The following BCAS1 variants were observed in gnomAD, a reference collection of about 807,000 sequenced individuals.
BCAS1 encodes brain enriched myelin associated protein 1, also known as breast carcinoma-amplified sequence 1.
A neutral mutation model predicts 65.4 loss-of-function variants in BCAS1; 46 were observed. The ratio of observed to expected loss-of-function variants is 0.70; its 90% CI spans 0.55 to 0.90. BCAS1 has a LOEUF of 0.90. BCAS1 is among the 40% of genes least tolerant of loss of function. BCAS1 has a pLI of 0.00. For missense variants in BCAS1, 793 were observed against 771.2 expected, an observed-to-expected ratio of 1.03 and a Z score of -0.33; for synonymous variants, 298 against 293.5, an observed-to-expected ratio of 1.02 and a Z score of -0.16.
At chr20:54,036,255 G>A (rs2091898194) in intron 3 of BCAS1, among the ~76,000 whole-genome samples, 1 of 150,916 alleles carries the variant, frequency 6.6e-6, no homozygotes, top group Non-Finnish European at 1.5e-5. Context: ...AATGCAAAAA[G>A]ATGACATACC....
chr20:54,039,762 T>G (rs1176707799), intron 3 of BCAS1, among the ~76,000 whole-genome samples: 1 of 151,340 alleles, frequency 6.6e-6, no homozygotes, highest in Non-Finnish European at 1.5e-5. Flanking sequence ...CTCTGAACCC[T>G]TTGTTTTTCC....
intron 8 of BCAS1, among the ~76,000 whole-genome samples, chr20:53,984,349 T>C (rs2090558427): frequency 6.6e-6 from 1 of 152,174 alleles, no homozygotes; most frequent in Non-Finnish European, 1.5e-5. Flanking sequence ...AAAGTTTTTA[T>C]GAAATAGTGA....
chr20:53,949,127 A>G (rs2089430469), intron 12 of BCAS1, among the ~76,000 whole-genome samples: 1 of 152,140 alleles, frequency 6.6e-6, no homozygotes, highest in African/African-American at 2.4e-5. Flanking sequence ...AGGGGAAGGG[A>G]GAAACCCAGT....
rs930319647 is a variant in BCAS1 at position 54,058,993 on chromosome 20, C to T, written c.-5-270G>A. Among the ~76,000 whole-genome samples, 9 of 152,240 alleles carry T rather than the reference C, an allele frequency of 5.9e-5. No individual in the cohort carries two copies. The South Asian group carries it at 1.9e-3, about 32-fold the overall frequency. ...AACTTACAATCGTGGCAGAAGACACCTCTCCACAGGACACCAGAAGAATGA... is the reference window on the plus strand; with the variant it reads ...AACTTACAATCGTGGCAGAAGACACTTCTCCACAGGACACCAGAAGAATGA... On this transcript the variant is annotated intron_variant, in intron 1 of 12. Transcript: ENST00000688948.
chr20:54,062,662 A>G (rs146037416), intron 1 of BCAS1, among the ~76,000 whole-genome samples: 109 of 152,374 alleles, frequency 7.2e-4, no homozygotes, highest in African/African-American at 2.3e-3. Flanking sequence ...CATGGTGTAC[A>G]GAAGTAGGAG....
chr20:53,996,461 T>TAAAAAAAAAAA (rs143929524), intron 4 of BCAS1, among the ~76,000 whole-genome samples: 4 of 92,120 alleles, frequency 4.3e-5, no homozygotes, highest in Non-Finnish European at 9.4e-5. Flanking sequence ...TTATATCAAC[T>TAAAAAAAAAAA]AAAAAAAAAA....
intron 4 of BCAS1, among the ~76,000 whole-genome samples, chr20:54,004,731 C>G (rs1260391235): frequency 6.6e-6 from 1 of 152,092 alleles, no homozygotes; most frequent in Non-Finnish European, 1.5e-5. Context: ...TATGCTTTCA[C>G]TGTGTATTGT....
chr20:54,062,369 GTAT>G (rs1212592887), intron 1 of BCAS1, among the ~76,000 whole-genome samples: 2 of 152,156 alleles, frequency 1.3e-5, no homozygotes, highest in African/African-American at 4.8e-5. Flanking sequence ...CAAGACAGAG[GTAT>G]TATTATTTCA....
intron 12 of BCAS1, among the ~76,000 whole-genome samples, 165 bp downstream of exon 12, chr20:53,953,267 A>T (rs1243580493): frequency 6.6e-6 from 1 of 152,164 alleles, no homozygotes; most frequent in Non-Finnish European, 1.5e-5. Context: ...TAAAATGGAG[A>T]AGGATTGAAC....
chr20:54,068,202 G>C (rs6068764), intron 1 of BCAS1, among the ~76,000 whole-genome samples: 6,846 of 152,232 alleles, frequency 0.045, 193 homozygotes, highest in Middle Eastern at 0.085. Context: ...AAATCACCTT[G>C]GATGTTTTAG....
intron 1 of BCAS1, among the ~76,000 whole-genome samples, chr20:54,066,294 G>A (rs183070162): frequency 0.016 from 2,398 of 152,198 alleles, 33 homozygotes; most frequent in Non-Finnish European, 0.025. Flanking sequence ...GGATGGTCTC[G>A]ATCTCCTGAC....
intron 1 of BCAS1, among the ~76,000 whole-genome samples, chr20:54,062,462 A>G (rs1170961908): frequency 6.6e-6 from 1 of 152,262 alleles, no homozygotes; most frequent in Non-Finnish European, 1.5e-5. Flanking sequence ...GTTCATATAT[A>G]CACATGCAAG....
chr20:54,064,930 G>A (rs1054158686), intron 1 of BCAS1, among the ~76,000 whole-genome samples: 2 of 152,114 alleles, frequency 1.3e-5, no homozygotes, highest in South Asian at 2.1e-4. Flanking sequence ...ATGAGAAGCC[G>A]GAGCACAGAG....
At chr20:53,991,009 T>C (rs1207542452) in intron 7 of BCAS1, among the ~76,000 whole-genome samples, 1 of 152,192 alleles carries the variant, frequency 6.6e-6, no homozygotes, top group African/African-American at 2.4e-5. Context: ...AATGATAACA[T>C]TGAACTTGGG....
intron 3 of BCAS1, among the ~76,000 whole-genome samples, chr20:54,053,813 T>G (rs577726240): frequency 8.8e-4 from 134 of 152,344 alleles, no homozygotes; most frequent in Admixed American, 3.8e-3. Context: ...CAATGTAGCA[T>G]TCCAGCCTCT....
rs1600715670 is a variant in BCAS1 at position 53,961,561 on chromosome 20, A to G, written c.1486-4064T>C. Among the ~76,000 whole-genome samples the G allele has an allele frequency of 2.0e-5, 3 of 152,372 alleles. No individual in the cohort carries two copies. In the Middle Eastern group the frequency reaches 0.01, roughly 518 times the overall value. On this transcript the variant is annotated intron_variant, in intron 10 of 12. Transcript: ENST00000688948. ...GCAAGCTTTAAGTAAGCCATATATT[A>G]ATTTTCTTCTCCTTTCCCTTATTGT... is the stretch of plus-strand genomic sequence containing the variant.
chr20:53,999,010 A>G (rs115925903), intron 4 of BCAS1, among the ~76,000 whole-genome samples: 36 of 152,334 alleles, frequency 2.4e-4, no homozygotes, highest in African/African-American at 8.4e-4. Context: ...TGGGGATTAT[A>G]AGTCAGGCCT....
intron 3 of BCAS1, among the ~76,000 whole-genome samples, chr20:54,051,502 G>T (rs576614020): frequency 6.6e-6 from 1 of 152,198 alleles, no homozygotes; most frequent in South Asian, 2.1e-4. Flanking sequence ...TGACAAAATA[G>T]CTAAGAGATG....
intron 4 of BCAS1, among the ~76,000 whole-genome samples, chr20:54,016,390 G>A (rs1172230098): frequency 6.6e-6 from 1 of 152,108 alleles, no homozygotes; most frequent in Non-Finnish European, 1.5e-5. Flanking sequence ...ATACATTCAT[G>A]TAATTTGTAA....
Sources: gnomAD v4.1 joint callset for allele counts (sites outside exome capture counted in the v4.1 genomes callset) on GRCh38, gnomAD v4.1.1 for gene constraint, MANE v1.5 for transcripts, NCBI Gene and HGNC (gene_info 2026-07-23, HGNC 2026-07-21) for gene names.